Variants in FANCC observed in about 807,000 individuals in gnomAD.
The protein encoded by FANCC is FA complementation group C.
Under a neutral mutation model 71.3 loss-of-function variants are expected in FANCC, and 55 were observed. The observed-to-expected ratio is 0.77, with a 90% CI of 0.62 to 0.97. The LOEUF (loss-of-function observed/expected upper bound fraction) is 0.97, where lower values mean the gene tolerates loss of function less well. FANCC is among the 50% of genes least tolerant of loss of function. FANCC has a pLI of 0.00. For missense variants in FANCC, 678 were observed against 670.9 expected (o/e 1.01, Z -0.12); for synonymous variants, 275 against 244.9 (o/e 1.12, Z -1.15).
chr9:95,298,032 T>C (rs1442551859), intron 1 of FANCC, among the ~76,000 whole-genome samples: 1 of 152,162 alleles, frequency 6.6e-6, no homozygotes, highest in Non-Finnish European at 1.5e-5. Flanking sequence ...CTCAGATTTC[T>C]GTTTCAGAAA....
rs1826822931 is a variant in FANCC at position 95,187,801 on chromosome 9, TC to T, written c.346-15655del. Among the ~76,000 whole-genome samples the T allele has an allele frequency of 7.9e-5, 12 of 151,852 alleles. No homozygotes were observed. The South Asian group carries it at 2.5e-3, about 32-fold the overall frequency. On this transcript the variant is annotated intron_variant, in intron 4 of 14. Coordinates refer to ENST00000289081, the MANE Select transcript of FANCC (RefSeq NM_000136.3). Reference sequence around the variant, plus strand: ...CCCCACCTCTGCCGGAGTGACCCCTTCCTCTGGTTCAAAATCTCCAACAACA... The same window carrying T: ...CCCCACCTCTGCCGGAGTGACCCCTTCTCTGGTTCAAAATCTCCAACAACA...
At chr9:95,222,966 T>C (rs920012341) in intron 4 of FANCC, among the ~76,000 whole-genome samples, 1 of 152,232 alleles carries the variant, frequency 6.6e-6, no homozygotes, top group Non-Finnish European at 1.5e-5. Flanking sequence ...TATACCTGGT[T>C]ATTCACCAAT....
At chr9:95,292,822 A>G in intron 1 of FANCC, 1 of 1,581,474 alleles carries the variant, frequency 6.3e-7, no homozygotes, top group Non-Finnish European at 8.7e-7. Flanking sequence ...CATGCTGAGA[A>G]GAAGCACAAA....
At chr9:95,317,081 G>T (rs1356097364) in intron 1 of FANCC, 1 of 152,608 alleles carries the variant, frequency 6.6e-6, no homozygotes, top group African/African-American at 2.4e-5. Context: ...CCGGCTCAAA[G>T]GGGCGAGCTT....
chr9:95,115,653 A>G (rs2072342388), intron 11 of FANCC, among the ~76,000 whole-genome samples: 1 of 152,232 alleles, frequency 6.6e-6, no homozygotes, highest in Non-Finnish European at 1.5e-5. Context: ...GTTTTCACAT[A>G]GTGATAGATG....
At chr9:95,260,525 A>T (rs1337331495) in intron 1 of FANCC, among the ~76,000 whole-genome samples, 9 of 151,768 alleles carry the variant, frequency 5.9e-5, no homozygotes, top group African/African-American at 2.2e-4. Flanking sequence ...AACATCACAC[A>T]CCGGGGCCTG....
intron 10 of FANCC, among the ~76,000 whole-genome samples, chr9:95,120,583 TTTTA>T (rs1474516213): frequency 1.3e-5 from 2 of 151,676 alleles, no homozygotes; most frequent in Non-Finnish European, 2.9e-5. Context: ...CCAGCTAATT[TTTTA>T]TTTATTTACT....
At chr9:95,251,090 G>A (rs1029625440) in intron 1 of FANCC, among the ~76,000 whole-genome samples, 2 of 152,092 alleles carry the variant, frequency 1.3e-5, no homozygotes, top group African/African-American at 4.8e-5. Context: ...AATCCTTTCT[G>A]CTGATTCCAG....
intron 4 of FANCC, among the ~76,000 whole-genome samples, chr9:95,215,777 T>C (rs527591746): frequency 2.6e-5 from 4 of 152,338 alleles, no homozygotes; most frequent in African/African-American, 7.2e-5. Context: ...ACAGTCGGTA[T>C]CAACTAACGT....
At chr9:95,311,072 G>A (rs1001280679) in intron 1 of FANCC, among the ~76,000 whole-genome samples, 2 of 151,894 alleles carry the variant, frequency 1.3e-5, no homozygotes, top group Non-Finnish European at 2.9e-5. Flanking sequence ...GTGAAACTCC[G>A]CCTCTAACAA....
At chr9:95,182,719 C>T (rs934658285) in intron 4 of FANCC, among the ~76,000 whole-genome samples, 4 of 151,962 alleles carry the variant, frequency 2.6e-5, no homozygotes, top group African/African-American at 4.8e-5. Flanking sequence ...GTGAGGCAGC[C>T]GCTGTGGGAA....
chr9:95,230,680 A>G (rs1166047685), intron 4 of FANCC, among the ~76,000 whole-genome samples: 2 of 152,152 alleles, frequency 1.3e-5, no homozygotes, highest in African/African-American at 4.8e-5. Context: ...GTGCGGACCC[A>G]AAGAGTGAGC....
At chr9:95,142,963 C>T (rs1011524833) in intron 7 of FANCC, among the ~76,000 whole-genome samples, 1 of 152,176 alleles carries the variant, frequency 6.6e-6, no homozygotes, top group African/African-American at 2.4e-5. Flanking sequence ...AGCACACACC[C>T]CACAGGTTAA....
At chr9:95,207,555 T>C (rs1828210030) in intron 4 of FANCC, among the ~76,000 whole-genome samples, 1 of 152,134 alleles carries the variant, frequency 6.6e-6, no homozygotes, top group Non-Finnish European at 1.5e-5. Flanking sequence ...AACTTTGAAC[T>C]GTGCTGGCCT....
chr9:95,114,353 A>G (rs942248086), intron 12 of FANCC: 10 of 467,446 alleles, frequency 2.1e-5, no homozygotes, highest in African/African-American at 1.6e-4. Flanking sequence ...TTATGCCTGT[A>G]TATTTCAAAA....
chr9:95,128,840 A>G (rs1375274939), intron 8 of FANCC, among the ~76,000 whole-genome samples: 1 of 152,184 alleles, frequency 6.6e-6, no homozygotes, highest in Non-Finnish European at 1.5e-5. Context: ...TAAAACAGGT[A>G]AGAGGCCAGG....
At chr9:95,175,652 T>C (rs1043271820) in intron 4 of FANCC, among the ~76,000 whole-genome samples, 1 of 152,240 alleles carries the variant, frequency 6.6e-6, no homozygotes, top group African/African-American at 2.4e-5. Flanking sequence ...GCGTGCCATC[T>C]GTGGAAGTGC....
intron 1 of FANCC, among the ~76,000 whole-genome samples, chr9:95,274,531 G>C (rs967169567): frequency 2.6e-5 from 4 of 152,106 alleles, no homozygotes; most frequent in Non-Finnish European, 5.9e-5. Context: ...AATCCTTTGG[G>C]TATATACCCA....
At chr9:95,120,189 GT>G (rs967862512) in intron 10 of FANCC, among the ~76,000 whole-genome samples, 8 of 152,172 alleles carry the variant, frequency 5.3e-5, no homozygotes, top group Admixed American at 2.0e-4. Context: ...TAACTGTTGT[GT>G]GCTTTACAAG....
Sources: gnomAD v4.1 joint callset for allele counts (sites outside exome capture counted in the v4.1 genomes callset) on GRCh38, gnomAD v4.1.1 for gene constraint, MANE v1.5 for transcripts, NCBI Gene and HGNC (gene_info 2026-07-23, HGNC 2026-07-21) for gene names.